Variants in HSPA14 observed in about 807,000 individuals in gnomAD.
HSPA14 encodes the protein heat shock protein family A (Hsp70) member 14.
In HSPA14, 37 loss-of-function variants were observed where a neutral mutation model predicts 65.5. The ratio of observed to expected loss-of-function variants is 0.56; its 90% CI spans 0.43 to 0.74. The LOEUF (loss-of-function observed/expected upper bound fraction) is 0.74, where lower values mean the gene tolerates loss of function less well. Among genes scored for constraint, HSPA14 ranks in the 30% least tolerant of loss-of-function variants. The pLI, the probability that HSPA14 is intolerant of heterozygous loss-of-function variation, is 0.00. For synonymous variants in HSPA14, 203 were observed against 214.2 expected (o/e 0.95, Z 0.46); for missense variants, 564 against 607.6 (o/e 0.93, Z 0.75).
intron 6 of HSPA14, chr10:14,850,585 G>A (rs1227578524): frequency 6.6e-6 from 1 of 152,254 alleles, no homozygotes; most frequent in Non-Finnish European, 1.5e-5. Flanking sequence ...CATTGAAGTT[G>A]CCTCTGAGGC....
rs1489032076 is a variant in HSPA14 at position 14,842,362 on chromosome 10, G to A, written c.221+2205G>A. 1.3e-6 allele frequency: 2 copies of A among 1,536,130 alleles called. No individual in the cohort carries two copies. The highest frequency in any genetic ancestry group is 2.0e-5 in the Admixed American group (1 of 51,004). ...GAACTCTTCTCTCCATACTAGGCGA[G>A]GCAGAGTATATTCAGCGCCTCCAGA... On this transcript the variant is annotated intron_variant, in intron 3 of 13. Transcript: ENST00000378372. This position sits in a 1 kb window ranked among gnomAD's most constrained non-coding sequence, Gnocchi z 5.2.
intron 3 of HSPA14, chr10:14,847,054 A>T: frequency 1.0e-6 from 1 of 985,166 alleles, no homozygotes. Flanking sequence ...TGTTGCCTCC[A>T]TTCTCTGCTT....
chr10:14,840,145 TC>T lies in HSPA14; in HGVS notation c.211del (p.Leu71TrpfsTer20). ...ISNTVMKVKQ[I>X]LGRSSSDPQA... ...AATACAGTAATGAAAGTAAAGCAGA[TC>T]CTGGGCAGAAGGTATGGAATCAAAT... On this transcript the variant is annotated frameshift_variant, in exon 3 of 14. Coordinates refer to ENST00000378372, the MANE Select transcript of HSPA14 (RefSeq NM_016299.4). LOFTEE classifies it high-confidence loss of function. 6.9e-7 allele frequency: 1 copy of T among 1,446,798 alleles called. No homozygotes were observed. The allele number at this position is 1,446,798 out of a possible 1,614,324, so 89.6% of individuals were successfully genotyped here. A position where few individuals can be genotyped will look rare whatever the true frequency, so the allele number is the denominator to read the frequency against.
At chr10:14,844,487 C>T (rs938787432) in intron 3 of HSPA14, 167 of 989,508 alleles carry the variant, frequency 1.7e-4, no homozygotes, top group Middle Eastern at 5.2e-4. Flanking sequence ...GCTCATTAGA[C>T]GACTATAAGC....
chr10:14,841,582 C>T (rs974151258), intron 3 of HSPA14, among the ~76,000 whole-genome samples: 1 of 152,162 alleles, frequency 6.6e-6, no homozygotes, highest in African/African-American at 2.4e-5. Context: ...ATAGATCTCT[C>T]CCCTGGTAGC....
intron 9 of HSPA14, among the ~76,000 whole-genome samples, chr10:14,855,080 T>C (rs1326663792): frequency 6.6e-6 from 1 of 152,204 alleles, no homozygotes; most frequent in East Asian, 1.9e-4. Context: ...AGGGTTAAGT[T>C]TGTCCAAGTC....
intron 3 of HSPA14, chr10:14,847,143 G>C (rs1834065559): frequency 2.1e-6 from 1 of 479,010 alleles, no homozygotes. Flanking sequence ...GAGGAGAGCG[G>C]CCCTCTTTAT....
At chr10:14,856,370 C>T (rs1832692721) in intron 10 of HSPA14, among the ~76,000 whole-genome samples, 1 of 152,138 alleles carries the variant, frequency 6.6e-6, no homozygotes, top group Admixed American at 6.5e-5. Context: ...TAAGTAGCTT[C>T]CTCAAGATCA....
At chr10:14,843,767 A>T (rs773892429) in intron 3 of HSPA14, 2 of 1,536,384 alleles carry the variant, frequency 1.3e-6, no homozygotes, top group Non-Finnish European at 1.7e-6. Context: ...GATACTGCCA[A>T]TGAGCTCCGC....
intron 6 of HSPA14, 116 bp from the exon 7 acceptor site, chr10:14,851,103 A>T (rs941749509): frequency 1.5e-6 from 1 of 651,750 alleles, no homozygotes; most frequent in Non-Finnish European, 2.7e-6. Flanking sequence ...ATTATACTTC[A>T]TGTTCTACTT....
intron 13 of HSPA14, 44 bp from the exon 14 acceptor site, chr10:14,871,484 T>G (rs1285101087): frequency 8.8e-7 from 1 of 1,131,258 alleles, no homozygotes; most frequent in South Asian, 1.3e-5. Context: ...TATGTTTTTA[T>G]AAAATGAGCT....
chr10:14,848,998 G>C, intron 5 of HSPA14, 103 bp downstream of exon 5: 1 of 629,506 alleles, frequency 1.6e-6, no homozygotes, highest in East Asian at 2.8e-5. Flanking sequence ...GAAGCAGAGT[G>C]ATTGCACAGA....
chr10:14,842,661 T>C lies in HSPA14; in HGVS notation c.221+2504T>C. The C allele has an allele frequency of 6.5e-7, 1 of 1,536,234 alleles. No individual in the cohort carries two copies. Among genetic ancestry groups the C allele is most frequent in the East Asian group, 2.4e-5 (1 of 40,916 alleles). ...GCCAAGCACTGTGATCAGAACTTAG[T>C]GGCCTCTGACGCCCCAGGGGAAGAG... On this transcript the variant is annotated intron_variant, in intron 3 of 13. Coordinates refer to ENST00000378372, the MANE Select transcript of HSPA14 (RefSeq NM_016299.4). The surrounding 1 kb of genome is among the most constrained non-coding windows in gnomAD (Gnocchi z 5.2).
intron 3 of HSPA14, chr10:14,843,295 C>G: frequency 6.6e-7 from 1 of 1,522,654 alleles, no homozygotes. Flanking sequence ...TATAATTTGT[C>G]TCAGCTCTGC....
rs995032794 is a variant in HSPA14 at position 14,855,835 on chromosome 10, G to T, written c.891-6G>T. On this transcript the variant is annotated splice_polypyrimidine_tract_variant and splice_region_variant and intron_variant, in intron 9 of 13. Coordinates refer to ENST00000378372, the MANE Select transcript of HSPA14 (RefSeq NM_016299.4). ...TGTGTTTCTGTGTGTGTGTATGTGTGTACAGAGCAAGATTTGAACTTCTTT... is the reference window on the plus strand; with the variant it reads ...TGTGTTTCTGTGTGTGTGTATGTGTTTACAGAGCAAGATTTGAACTTCTTT... 4 of 1,515,366 alleles carry T rather than the reference G, an allele frequency of 2.6e-6. No individual in the cohort carries two copies. In the African/African-American group the frequency reaches 4.1e-5, roughly 16 times the overall value. 93.9% of individuals were successfully genotyped at this position (1,515,366 alleles called of 1,614,324 possible). A position where few individuals can be genotyped will look rare whatever the true frequency, so the allele number is the denominator to read the frequency against.
intron 1 of HSPA14, among the ~76,000 whole-genome samples, chr10:14,839,095 TG>T (rs1833934689): frequency 2.6e-5 from 4 of 152,156 alleles, no homozygotes; most frequent in Non-Finnish European, 4.4e-5. Context: ...CAGTTGATGG[TG>T]CGTGGTCTAC....
At chr10:14,849,160 C>T (rs1020822562) in intron 5 of HSPA14, among the ~76,000 whole-genome samples, 1 of 152,042 alleles carries the variant, frequency 6.6e-6, no homozygotes, top group Admixed American at 6.5e-5. Flanking sequence ...AGTTAGTGGC[C>T]GAGTAAGCTT....
intron 10 of HSPA14, among the ~76,000 whole-genome samples, chr10:14,866,277 C>T (rs1000527611): frequency 1.3e-5 from 2 of 152,172 alleles, no homozygotes; most frequent in Admixed American, 6.5e-5. Context: ...TCCTCATGCT[C>T]GTACCTGGAG....
chr10:14,840,121 A>C lies in HSPA14; in HGVS notation c.185A>C (p.Asn62Thr). 6.8e-7 allele frequency: 1 copy of C among 1,478,712 alleles called. No individual in the cohort carries two copies. 91.6% of individuals were successfully genotyped at this position (1,478,712 alleles called of 1,614,324 possible). A position where few individuals can be genotyped will look rare whatever the true frequency, so the allele number is the denominator to read the frequency against. The change falls in exon 3 of 14, where the codon AAT (asparagine) becomes ACT (threonine). Residue 62 changes from asparagine (N) to threonine (T), a missense_variant. Coordinates refer to ENST00000378372, the MANE Select transcript of HSPA14 (RefSeq NM_016299.4). ...CAAAGTAGAATAAGAAATATTTCAA[A>C]TACAGTAATGAAAGTAAAGCAGATC... is the stretch of plus-strand genomic sequence containing the variant. ...AKQSRIRNIS[N>T]TVMKVKQILG... is the part of the protein sequence containing the mutation.
Sources: allele counts gnomAD v4.1 joint callset (sites outside exome capture counted in the v4.1 genomes callset), GRCh38; gene constraint gnomAD v4.1.1; non-coding constraint Gnocchi (gnomAD v3.1); transcripts MANE v1.5; gene names NCBI Gene and HGNC (gene_info 2026-07-23, HGNC 2026-07-21).